SLTM: variants seen among roughly 807,000 people sequenced by gnomAD.
SLTM encodes the protein SAFB like transcription modulator.
SLTM carries 43 observed loss-of-function variants against 134.6 expected under a neutral mutation model. That is an observed-to-expected ratio of 0.32 (90% CI 0.25 to 0.41). The LOEUF (loss-of-function observed/expected upper bound fraction) is 0.41, where lower values mean the gene tolerates loss of function less well. Among genes scored for constraint, SLTM ranks in the 10% least tolerant of loss-of-function variants. SLTM has a pLI of 1.00. For missense variants in SLTM, 1,055 were observed against 1,288.8 expected (o/e 0.82, Z 2.78); for synonymous variants, 424 against 432.3 (o/e 0.98, Z 0.24).
chr15:58,893,843 T>G lies in SLTM; in HGVS notation c.1626A>C (p.Lys542Asn), dbSNP rs575807024. Residue 542 changes from lysine (K) to asparagine (N), a missense_variant, in exon 12 of 21, where the codon AAA becomes AAC. Lys to Asn is a moderately conservative substitution (Grantham distance 94). Coordinates refer to ENST00000380516, the MANE Select transcript of SLTM (RefSeq NM_024755.4). ...TACTTATTCGCTTCTTTTCTTCACT[T>G]TTTTTAATCGATTCTGATGTTTGGC... ...ASGQTSESIK[K>N]SEEKKRISSK... The G allele has an allele frequency of 3.1e-6, 5 of 1,610,218 alleles. No homozygotes were observed. Among genetic ancestry groups the G allele is most frequent in the South Asian group, 2.2e-5 (2 of 89,674 alleles).
chr15:58,908,472 T>C (rs1237245927), intron 5 of SLTM, among the ~76,000 whole-genome samples: 1 of 152,130 alleles, frequency 6.6e-6, no homozygotes, highest in African/African-American at 2.4e-5. Flanking sequence ...GGTCAAGTGA[T>C]CTTCCAGCCT....
chr15:58,923,798 CCTT>C (rs1239701989), intron 2 of SLTM, among the ~76,000 whole-genome samples: 4 of 123,694 alleles, frequency 3.2e-5, no homozygotes, highest in African/African-American at 1.2e-4. Flanking sequence ...TGAAGCCAAA[CCTT>C]TTTTTTTTTT....
chr15:58,916,506 C>G (rs1466677459), intron 3 of SLTM: 2 of 154,734 alleles, frequency 1.3e-5, no homozygotes, highest in Admixed American at 6.5e-5. Flanking sequence ...AGTAACACAT[C>G]AGCAATTTTC....
chr15:58,920,314 C>A (rs1369178809), intron 2 of SLTM, among the ~76,000 whole-genome samples: 1 of 151,706 alleles, frequency 6.6e-6, no homozygotes, highest in Non-Finnish European at 1.5e-5. Flanking sequence ...GAGCGACACT[C>A]TGTCTTGAAA....
At chr15:58,903,779 G>A (rs993661747) in intron 5 of SLTM, among the ~76,000 whole-genome samples, 2 of 151,860 alleles carry the variant, frequency 1.3e-5, no homozygotes, top group African/African-American at 4.8e-5. Flanking sequence ...CTGGTACAGC[G>A]CAAACACTGA....
chr15:58,894,703 ATGT>A, intron 9 of SLTM, 121 bp from the exon 10 acceptor site: 5 of 678,748 alleles, frequency 7.4e-6, no homozygotes, highest in Admixed American at 7.9e-5. Context: ...ATTCTGTCTC[ATGT>A]TTTTTTTTTT....
Position 58,913,701 on chromosome 15 carries a change from T to C in SLTM, c.316-5A>G. On this transcript the variant is annotated splice_polypyrimidine_tract_variant and splice_region_variant and intron_variant, in intron 3 of 20. Transcript: ENST00000380516. ...TTGATTCTCCAATTCACAGTCCTTT[T>C]AATGGTAAGAAAATTTGGTACAACT... 1 of 1,612,196 alleles carries C rather than the reference T, an allele frequency of 6.2e-7. No individual in the cohort carries two copies. The highest frequency in any genetic ancestry group is 2.2e-5 in the East Asian group (1 of 44,776).
At chr15:58,909,661 T>C (rs1182968506) in intron 5 of SLTM, among the ~76,000 whole-genome samples, 4 of 152,238 alleles carry the variant, frequency 2.6e-5, no homozygotes, top group Non-Finnish European at 4.4e-5. Flanking sequence ...AATACAGTAC[T>C]ACACCTATGA....
intron 16 of SLTM, chr15:58,888,826 G>A (rs1184572049): frequency 7.0e-6 from 2 of 285,786 alleles, no homozygotes; most frequent in Non-Finnish European, 1.3e-5. Flanking sequence ...GCATTCAGGA[G>A]AAATGATACC....
intron 3 of SLTM, 115 bp from the exon 4 acceptor site, chr15:58,913,811 T>C (rs2036447047): frequency 5.4e-6 from 4 of 739,320 alleles, no homozygotes; most frequent in Non-Finnish European, 6.7e-6. Flanking sequence ...TATTTTAATA[T>C]TCCCAAAGTT....
rs962089533 is a variant in SLTM, at chr15:58,895,311, C to T, written c.1228-729G>A. Among the ~76,000 whole-genome samples the T allele has an allele frequency of 5.3e-5, 8 of 152,122 alleles. No individual in the cohort carries two copies. In the East Asian group the frequency reaches 7.7e-4, roughly 15 times the overall value. ...AAAGAACCAATCACATATAAAAAAG[C>T]GGACTTAAAAATGCATCCCCCGAAA... On this transcript the variant is annotated intron_variant, in intron 9 of 20. Coordinates refer to ENST00000380516, the MANE Select transcript of SLTM (RefSeq NM_024755.4).
chr15:58,903,189 G>A (rs572839657), intron 5 of SLTM, among the ~76,000 whole-genome samples: 12 of 152,020 alleles, frequency 7.9e-5, no homozygotes, highest in African/African-American at 2.9e-4. Context: ...CTGAGCCACC[G>A]TACACAGCCT....
At chr15:58,917,353 T>C (rs995154271) in intron 2 of SLTM, among the ~76,000 whole-genome samples, 1 of 152,186 alleles carries the variant, frequency 6.6e-6, no homozygotes, top group Admixed American at 6.5e-5. Context: ...TATAGACACC[T>C]GATAGCTAAG....
At chr15:58,885,544 C>T (rs2034108819) in intron 19 of SLTM, among the ~76,000 whole-genome samples, 2 of 151,980 alleles carry the variant, frequency 1.3e-5, no homozygotes, top group Non-Finnish European at 2.9e-5. Context: ...CTTGTAATTC[C>T]AGCACTTTGG....
At chr15:58,886,910 G>C in intron 19 of SLTM, 65 bp downstream of exon 19, 1 of 1,583,028 alleles carries the variant, frequency 6.3e-7, no homozygotes, top group Non-Finnish European at 8.6e-7. Context: ...TGTATATCCA[G>C]AGTAGCTCAT....
rs1027419321 is a variant in SLTM at position 58,893,080 on chromosome 15, G to T, written c.1735-20C>A. On this transcript the variant is annotated intron_variant, in intron 13 of 20. Transcript: ENST00000380516. Reference sequence around the variant, plus strand: ...ATGAATCTGTAGAAAAAAATTAGAAGAACACTAGAAATTAAAATATTTTGG... The same window carrying T: ...ATGAATCTGTAGAAAAAAATTAGAATAACACTAGAAATTAAAATATTTTGG... 1.3e-6 allele frequency: 2 copies of T among 1,556,904 alleles called. No individual in the cohort carries two copies. The highest frequency in any genetic ancestry group is 2.3e-5 in the East Asian group (1 of 43,964).
intron 3 of SLTM, 76 bp from the exon 4 acceptor site, chr15:58,913,772 T>A: frequency 9.2e-7 from 1 of 1,085,756 alleles, no homozygotes; most frequent in South Asian, 1.4e-5. Context: ...TTTGGTAATT[T>A]ACACCTTTAA....
At position 58,893,887 on chromosome 15, in the gene SLTM, T is replaced by G. The variant is rs2034864610; in HGVS notation, c.1582A>C (p.Asn528His). Residue 528 changes from asparagine (N) to histidine (H), a missense_variant, in exon 12 of 21, where the codon AAT becomes CAT. Physicochemically the swap from Asn to His is moderately conservative, Grantham distance 68. Coordinates refer to ENST00000380516, the MANE Select transcript of SLTM (RefSeq NM_024755.4). Reference sequence around the variant, plus strand: ...GTTTGGCCACTTGCTCCATTATCATTCTTCTCATCTTTACCTTCTATTTTC... The same window carrying G: ...GTTTGGCCACTTGCTCCATTATCATGCTTCTCATCTTTACCTTCTATTTTC... ...TKKIEGKDEK[N>H]DNGASGQTSE... 8.1e-6 allele frequency: 13 copies of G among 1,613,420 alleles called. No individual in the cohort carries two copies. Among genetic ancestry groups the G allele is most frequent in the Non-Finnish European group, 1.1e-5 (13 of 1,179,858 alleles).
At chr15:58,888,955 C>T (rs2034443643) in intron 16 of SLTM, among the ~76,000 whole-genome samples, 1 of 152,004 alleles carries the variant, frequency 6.6e-6, no homozygotes, top group South Asian at 2.1e-4. Flanking sequence ...AAGTCAGAAG[C>T]ACAGTTCATT....
Sources: allele counts gnomAD v4.1 joint callset (sites outside exome capture counted in the v4.1 genomes callset), GRCh38; gene constraint gnomAD v4.1.1; transcripts MANE v1.5; gene names NCBI Gene and HGNC (gene_info 2026-07-23, HGNC 2026-07-21).